The following DEAF1 variants were observed in gnomAD, a reference collection of about 807,000 sequenced individuals.
DEAF1 encodes DEAF1 transcription factor.
Under a neutral mutation model 58.9 loss-of-function variants are expected in DEAF1, and 53 were observed. The observed-to-expected ratio is 0.90, with a 90% CI of 0.72 to 1.13. DEAF1 has a LOEUF of 1.13. Ranked by LOEUF, DEAF1 falls within the 50% of genes most tolerant of loss-of-function variation. The pLI is 0.00. For synonymous variants in DEAF1, 385 were observed against 340.4 expected, an observed-to-expected ratio of 1.13 and a Z score of -1.44; for missense variants, 685 against 791.4, an observed-to-expected ratio of 0.87 and a Z score of 1.61.
In DEAF1 at chr11:681,052, C is replaced by T. The variant is rs1860341016; in HGVS notation, c.908G>A (p.Arg303His). ...PVRLFVPYKR[R>H]KKENELPTTP... is the part of the protein sequence containing the mutation. ...TGTGGGCAGTTCATTCTCCTTCTTG[C>T]GCCTTTTGTAAGGCACAAAAAGCCT... The change falls in exon 7 of 12, where the codon CGC becomes CAC. Residue 303 changes from arginine (R) to histidine (H), a missense_variant. Physicochemically the swap from Arg to His is conservative, Grantham distance 29. Around this residue, in one of 3 missense-constraint regions of DEAF1, gnomAD observed 343 missense variants for 379.8 expected, o/e 0.90. Coordinates refer to ENST00000382409, the MANE Select transcript of DEAF1 (RefSeq NM_021008.4). 2 of 1,613,942 alleles carry T rather than the reference C, an allele frequency of 1.2e-6. No homozygotes were observed. The highest frequency in any genetic ancestry group is 1.7e-6 in the Non-Finnish European group (2 of 1,180,016).
At chr11:699,056 A>G, upstream of DEAF1, 4 of 788,470 alleles carry the variant, frequency 5.1e-6, no homozygotes, top group Non-Finnish European at 8.4e-6. Flanking sequence ...ACTTCCTCGG[A>G]TCAGTTCTGC....
At chr11:668,120 T>A (rs545019004) in intron 10 of DEAF1, among the ~76,000 whole-genome samples, 21 of 151,994 alleles carry the variant, frequency 1.4e-4, no homozygotes, top group African/African-American at 5.1e-4. Context: ...CTCAAAAAAA[T>A]ATATATATGT....
chr11:662,517 G>A (rs1036151192), intron 10 of DEAF1, among the ~76,000 whole-genome samples: 12 of 152,070 alleles, frequency 7.9e-5, no homozygotes, highest in African/African-American at 2.7e-4. Context: ...TCCCCTCGCC[G>A]ACCTCCGACT....
intron 1 of DEAF1, chr11:703,154 C>G (rs759752578): frequency 6.2e-7 from 1 of 1,600,212 alleles, no homozygotes; most frequent in East Asian, 2.2e-5. Flanking sequence ...CAGGTAGCTA[C>G]GGACACCCGG....
rs896028777 is a variant in DEAF1, at chr11:695,042, C to T, written c.6G>A (p.Glu2=). 1.3e-5 allele frequency: 19 copies of T among 1,433,830 alleles called. No individual in the cohort carries two copies. The highest frequency in any genetic ancestry group is 9.0e-5 in the African/African-American group (6 of 66,662). 88.8% of individuals were successfully genotyped at this position (1,433,830 alleles called of 1,614,324 possible). Residue 2 remains glutamate (E), a synonymous_variant, in exon 1 of 12, where the codon GAG becomes GAA. Coordinates refer to ENST00000382409, the MANE Select transcript of DEAF1 (RefSeq NM_021008.4). Reference sequence around the variant, plus strand: ...GCTGCTTTGCCGCCGAGTCCGAGTCCTCCATCCGGACTCCGCCGAGCCTTC... The same window carrying T: ...GCTGCTTTGCCGCCGAGTCCGAGTCTTCCATCCGGACTCCGCCGAGCCTTC... The part of the protein sequence containing the change: M[E]DSDSAAKQLG...
intron 10 of DEAF1, among the ~76,000 whole-genome samples, chr11:654,401 G>A (rs1253851938): frequency 2.0e-5 from 3 of 150,852 alleles, no homozygotes; most frequent in African/African-American, 7.4e-5. Flanking sequence ...CTCTGACCTC[G>A]TGATCCACCT....
intron 10 of DEAF1, 49 bp from the exon 11 acceptor site, chr11:654,100 C>A (rs1488203043): frequency 6.5e-7 from 1 of 1,534,710 alleles, no homozygotes; most frequent in Non-Finnish European, 8.9e-7. Flanking sequence ...CGTGGAGAGC[C>A]CCTGAGACAC....
intron 7 of DEAF1, 140 bp downstream of exon 7, chr11:680,823 T>C (rs1323314350): frequency 3.2e-6 from 4 of 1,251,022 alleles, no homozygotes; most frequent in East Asian, 2.5e-5. Flanking sequence ...TGCAAAGGAG[T>C]GTGATGGCGT....
chr11:687,069 G>C lies in DEAF1; in HGVS notation c.665-72C>G, dbSNP rs543312038. The stretch of plus-strand genomic sequence containing the variant: ...CCTCTGCCATTGCCTACCTCCTGGC[G>C]CCTCCTCAACCCCTCCACCAGCACC... On this transcript the variant is annotated intron_variant, in intron 4 of 11. Coordinates refer to ENST00000382409, the MANE Select transcript of DEAF1 (RefSeq NM_021008.4). 12 of 1,601,298 alleles carry C rather than the reference G, an allele frequency of 7.5e-6. No individual in the cohort carries two copies. In the East Asian group the frequency reaches 2.7e-4, roughly 36 times the overall value.
chr11:661,129 C>T (rs11246247), intron 10 of DEAF1, among the ~76,000 whole-genome samples: 5 of 152,152 alleles, frequency 3.3e-5, no homozygotes, highest in Non-Finnish European at 2.9e-5. Flanking sequence ...AGCCTGAGAG[C>T]GAGCTACTAG....
chr11:705,102 C>T (rs1443304817), intron 1 of DEAF1: 2 of 207,454 alleles, frequency 9.6e-6, no homozygotes, highest in Non-Finnish European at 2.0e-5. Context: ...GCCAGCCCTC[C>T]ACCGAGCTCA....
At chr11:685,057 C>T (rs1196542602) in intron 5 of DEAF1, 94 bp from the exon 6 acceptor site, 18 of 914,028 alleles carry the variant, frequency 2.0e-5, no homozygotes, top group Non-Finnish European at 3.1e-5. Context: ...TTACCACTTA[C>T]CTACCATTCA....
At chr11:704,519 C>T in intron 1 of DEAF1, 1 of 1,289,468 alleles carries the variant, frequency 7.8e-7, no homozygotes, top group Non-Finnish European at 1.0e-6. Flanking sequence ...CCACCTCCCT[C>T]ACCAGCGCCT....
intron 10 of DEAF1, among the ~76,000 whole-genome samples, chr11:660,766 G>T (rs1437531879): frequency 6.6e-6 from 1 of 152,236 alleles, no homozygotes; most frequent in Non-Finnish European, 1.5e-5. Flanking sequence ...GTGAGTGTTA[G>T]GCTGACACTG....
chr11:683,905 G>A (rs1453620204), intron 6 of DEAF1, among the ~76,000 whole-genome samples: 6 of 152,074 alleles, frequency 3.9e-5, no homozygotes, highest in Non-Finnish European at 1.5e-5. Context: ...CTACCTGCAG[G>A]CTCAACTGCC....
chr11:672,439 ACCCCT>A (rs1859871462), intron 10 of DEAF1, among the ~76,000 whole-genome samples: 1 of 152,038 alleles, frequency 6.6e-6, no homozygotes, highest in African/African-American at 2.4e-5. Context: ...TCCGTAACAA[ACCCCT>A]AACATTGAAT....
intron 10 of DEAF1, among the ~76,000 whole-genome samples, chr11:662,909 C>A (rs1859376757): frequency 6.6e-6 from 1 of 152,208 alleles, no homozygotes. Context: ...TGAATATCCT[C>A]CAGCCAACTG....
chr11:658,420 C>A (rs188638830), intron 10 of DEAF1, among the ~76,000 whole-genome samples: 2 of 152,306 alleles, frequency 1.3e-5, no homozygotes, highest in Non-Finnish European at 1.5e-5. Context: ...CAGAGCTAGA[C>A]TCTGTCTCAA....
intron 10 of DEAF1, among the ~76,000 whole-genome samples, chr11:670,777 G>GT (rs1250514235): frequency 8.9e-3 from 169 of 18,946 alleles, no homozygotes; most frequent in East Asian, 0.032. Context: ...TTTTGTTTTT[G>GT]TTTTTTTTTT....
Sources: gnomAD v4.1 joint callset for allele counts (sites outside exome capture counted in the v4.1 genomes callset) on GRCh38, gnomAD v4.1.1 for gene constraint, gnomAD v4.1.1 regional missense constraint, MANE v1.5 for transcripts, NCBI Gene and HGNC (gene_info 2026-07-23, HGNC 2026-07-21) for gene names.